PLXNB2: variants seen among roughly 807,000 people sequenced by gnomAD.
The protein encoded by PLXNB2 is plexin-B2.
Under a neutral mutation model 202.6 loss-of-function variants are expected in PLXNB2, and 85 were observed. That is an observed-to-expected ratio of 0.42 (90% CI 0.35 to 0.50). The LOEUF (loss-of-function observed/expected upper bound fraction) is 0.50. Ranked by LOEUF, PLXNB2 falls within the 20% of genes least tolerant of loss-of-function variation. The probability of loss-of-function intolerance (pLI) is 0.02; values close to 1 mark genes in which losing one functional copy is unlikely to be tolerated. For synonymous variants in PLXNB2, 1,239 were observed against 1,137.6 expected (o/e 1.09, Z -1.79); for missense variants, 2,063 against 2,586.2 (o/e 0.80, Z 4.39).
At position 50,284,026 on chromosome 22, in the gene PLXNB2, C is replaced by T. The variant is rs895525070; in HGVS notation, c.2264-36G>A. On this transcript the variant is annotated intron_variant, in intron 13 of 36. Coordinates refer to ENST00000359337, the MANE Select transcript of PLXNB2 (RefSeq NM_012401.4). The surrounding 1 kb of genome is among the most constrained non-coding windows in gnomAD (Gnocchi z 8.0). The stretch of plus-strand genomic sequence containing the variant: ...AGCTGCCGTCAGTGGTCACCCCGTG[C>T]CTGCCCGCCCCCGACCTGCTCCCCA... 29 of 1,524,334 alleles carry T rather than the reference C, an allele frequency of 1.9e-5. No individual in the cohort carries two copies. Among genetic ancestry groups the T allele is most frequent in the Non-Finnish European group, 1.4e-5 (16 of 1,139,334 alleles). The allele number at this position is 1,524,334 out of a possible 1,614,324, so 94.4% of individuals were successfully genotyped here. A position where few individuals can be genotyped will look rare whatever the true frequency, so the allele number is the denominator to read the frequency against.
At position 50,289,440 on chromosome 22, in the gene PLXNB2, C is replaced by A; in HGVS notation, c.1068+77G>T. Reference sequence around the variant, plus strand: ...GCCACACTGCTCACGTGCACCCTCCCCAGCAGGCTGGGACACGCAAACCCA... The same window carrying A: ...GCCACACTGCTCACGTGCACCCTCCACAGCAGGCTGGGACACGCAAACCCA... On this transcript the variant is annotated intron_variant, in intron 3 of 36. Coordinates refer to ENST00000359337, the MANE Select transcript of PLXNB2 (RefSeq NM_012401.4). The surrounding 1 kb of genome is among the most constrained non-coding windows in gnomAD (Gnocchi z 8.0). 1 of 1,477,918 alleles carries A rather than the reference C, an allele frequency of 6.8e-7. No individual in the cohort carries two copies. The highest frequency in any genetic ancestry group is 9.0e-7 in the Non-Finnish European group (1 of 1,109,796). The allele number at this position is 1,477,918 out of a possible 1,614,324, so 91.6% of individuals were successfully genotyped here. A position where few individuals can be genotyped will look rare whatever the true frequency, so the allele number is the denominator to read the frequency against.
At chr22:50,281,817 A>G in intron 20 of PLXNB2, 37 bp downstream of exon 20, 1 of 1,595,656 alleles carries the variant, frequency 6.3e-7, no homozygotes, top group African/African-American at 1.3e-5. Flanking sequence ...CCCAGACCCG[A>G]GCAGGACCCA....
In PLXNB2 at chr22:50,283,816, G is replaced by A. The variant is rs561661848; in HGVS notation, c.2421+17C>T. 2 of 1,610,920 alleles carry A rather than the reference G, an allele frequency of 1.2e-6. No individual in the cohort carries two copies. Among genetic ancestry groups the A allele is most frequent in the Admixed American group, 1.7e-5 (1 of 59,912 alleles). On this transcript the variant is annotated intron_variant, in intron 14 of 36. Transcript: ENST00000359337. ...CAGGGACGAGGGAAGGTGTAGGCCA[G>A]GCTTCGAGGGGCTCACCCTGGTGAT...
At chr22:50,299,469 G>T (rs2067524796) in intron 1 of PLXNB2, among the ~76,000 whole-genome samples, 1 of 152,226 alleles carries the variant, frequency 6.6e-6, no homozygotes, top group South Asian at 2.1e-4. Context: ...CAGCAGCCAG[G>T]GGGCCGGGCC....
Position 50,278,970 on chromosome 22 carries a change from G to A in PLXNB2, c.4431C>T (p.Ile1477=). 1 of 1,613,632 alleles carries A rather than the reference G, an allele frequency of 6.2e-7. No individual in the cohort carries two copies. Among genetic ancestry groups the A allele is most frequent in the Non-Finnish European group, 8.5e-7 (1 of 1,179,828 alleles). The change falls in exon 28 of 37, where the codon ATC becomes ATT. Residue 1477 remains isoleucine, a synonymous_variant. Transcript: ENST00000359337. ...TGTCACAGTTGAGGACCTTCACCGG[G>A]ATGGCGTCCACTCCCTCGTCCTGCA... ...VIVQDEGVDA[I]PVKVLNCDTI...
chr22:50,280,458 TG>T, intron 25 of PLXNB2, 30 bp downstream of exon 25: 3 of 1,571,342 alleles, frequency 1.9e-6, no homozygotes, highest in Non-Finnish European at 2.6e-6. Flanking sequence ...GCCCCGCCCG[TG>T]GCCCCGCTCG....
chr22:50,292,763 G>A (rs955914604), intron 2 of PLXNB2, among the ~76,000 whole-genome samples: 26 of 152,160 alleles, frequency 1.7e-4, no homozygotes, highest in African/African-American at 5.8e-4. Flanking sequence ...TTGCCCGCAC[G>A]CTTCCTGAAA....
rs1163586812 is a variant in PLXNB2 at position 50,295,966 on chromosome 22, G to A, written c.-73-1188C>T. Reference sequence around the variant, plus strand: ...AAAGTACAAAAATTAGCCGGGCGTAGTGGTGCGCGCCTGTAATCCCAACTA... The same window carrying A: ...AAAGTACAAAAATTAGCCGGGCGTAATGGTGCGCGCCTGTAATCCCAACTA... On this transcript the variant is annotated intron_variant, in intron 1 of 36. Transcript: ENST00000359337. 5.9e-5 allele frequency among the ~76,000 whole-genome samples: 9 copies of A among 152,110 alleles called. 1 individual carries two copies. Among genetic ancestry groups the A allele is most frequent in the Non-Finnish European group, 1.0e-4 (7 of 68,038 alleles).
At chr22:50,300,432 C>T in intron 1 of PLXNB2, 5 of 509,470 alleles carry the variant, frequency 9.8e-6, no homozygotes, top group Non-Finnish European at 1.3e-5. Flanking sequence ...AGCTGCCAAT[C>T]ATGCACGACC....
chr22:50,274,984 T>G lies in PLXNB2; in HGVS notation c.*720A>C. 3 of 144,484 alleles carry G rather than the reference T, an allele frequency of 2.1e-5. No individual in the cohort carries two copies. The highest frequency in any genetic ancestry group is 3.1e-5 in the African/African-American group (1 of 32,264). 9.0% of individuals were successfully genotyped at this position (144,484 alleles called of 1,614,324 possible). A position where few individuals can be genotyped will look rare whatever the true frequency, so the allele number is the denominator to read the frequency against. Reference sequence around the variant, plus strand: ...AGGAACACTCAGCCAACCCGCAGAGTGAAAAAGACGCTGTATTTGATTTAC... The same window carrying G: ...AGGAACACTCAGCCAACCCGCAGAGGGAAAAAGACGCTGTATTTGATTTAC... On this transcript the variant is annotated 3_prime_UTR_variant, in exon 37 of 37. Coordinates refer to ENST00000359337, the MANE Select transcript of PLXNB2 (RefSeq NM_012401.4).
chr22:50,299,940 C>A (rs1242043976), intron 1 of PLXNB2, among the ~76,000 whole-genome samples: 1 of 152,156 alleles, frequency 6.6e-6, no homozygotes, highest in East Asian at 1.9e-4. Flanking sequence ...CCGCCAGACT[C>A]CCCGGAGGGC....
At chr22:50,280,723 C>G in intron 24 of PLXNB2, 21 bp downstream of exon 24, 1 of 1,568,620 alleles carries the variant, frequency 6.4e-7, no homozygotes, top group Non-Finnish European at 8.6e-7. Flanking sequence ...TGCCCTCCCG[C>G]CCGCCCGACG....
chr22:50,280,491 G>A lies in PLXNB2; in HGVS notation c.4173C>T (p.Arg1391=). The A allele has an allele frequency of 6.2e-7, 1 of 1,605,760 alleles. No individual in the cohort carries two copies. The highest frequency in any genetic ancestry group is 8.5e-7 in the Non-Finnish European group (1 of 1,177,286). ...CTCGTGGCCCCGCCCATGTGCACCT[G>A]CGCAGCATCAGCTTGGGGTTCTTGG... is the stretch of plus-strand genomic sequence containing the variant. ...VVAKNPKLML[R]RSETVVERML... is the part of the protein sequence containing the mutation. The change falls in exon 25 of 37, where the codon CGC becomes CGT. Residue 1391 remains arginine (R), a splice_region_variant and synonymous_variant. Coordinates refer to ENST00000359337, the MANE Select transcript of PLXNB2 (RefSeq NM_012401.4).
intron 35 of PLXNB2, among the ~76,000 whole-genome samples, 154 bp from the exon 36 acceptor site, chr22:50,276,117 C>G (rs960358406): frequency 6.6e-6 from 1 of 152,178 alleles, no homozygotes; most frequent in Non-Finnish European, 1.5e-5. Context: ...GTGGCACAGC[C>G]TCAGACAGAC....
At chr22:50,307,280 G>C (rs1409986351) in intron 1 of PLXNB2, among the ~76,000 whole-genome samples, 4 of 152,086 alleles carry the variant, frequency 2.6e-5, no homozygotes, top group Non-Finnish European at 5.9e-5. Flanking sequence ...GCGCGGAGGA[G>C]GGATCCGACG....
At position 50,281,843 on chromosome 22, in the gene PLXNB2, A is replaced by G. The variant is rs1242384964; in HGVS notation, c.3345+11T>C. 4 of 1,609,054 alleles carry G rather than the reference A, an allele frequency of 2.5e-6. No individual in the cohort carries two copies. The highest frequency in any genetic ancestry group is 3.4e-6 in the Non-Finnish European group (4 of 1,177,860). Reference sequence around the variant, plus strand: ...GCAGGACCCAGACACCCGGGGCTGCACCGTCCTCACCCGGGCGTGGATGAG... The same window carrying G: ...GCAGGACCCAGACACCCGGGGCTGCGCCGTCCTCACCCGGGCGTGGATGAG... On this transcript the variant is annotated intron_variant, in intron 20 of 36. Coordinates refer to ENST00000359337, the MANE Select transcript of PLXNB2 (RefSeq NM_012401.4).
intron 1 of PLXNB2, among the ~76,000 whole-genome samples, chr22:50,302,070 C>T (rs543663248): frequency 6.6e-6 from 1 of 152,300 alleles, no homozygotes; most frequent in Admixed American, 6.5e-5. Context: ...CAGAACCCAG[C>T]GCTGCCTGGA....
At position 50,287,202 on chromosome 22, in the gene PLXNB2, AAAAAGG is replaced by A; in HGVS notation, c.1665_1670del (p.Leu556_Phe557del). 6.5e-7 allele frequency: 1 copy of A among 1,549,066 alleles called. No homozygotes were observed. Among genetic ancestry groups the A allele is most frequent in the Non-Finnish European group, 8.7e-7 (1 of 1,146,282 alleles). On this transcript the variant is annotated inframe_deletion, in exon 8 of 37. Coordinates refer to ENST00000359337, the MANE Select transcript of PLXNB2 (RefSeq NM_012401.4). The stretch of plus-strand genomic sequence containing the variant: ...GGGCGGGGTGTGGCGGCGACTCCCC[AAAAAGG>A]CACAGCAACTCGTCCTCCTCGCTCA...
At position 50,278,085 on chromosome 22, in the gene PLXNB2, CTGGTGCCGCCCACACACCCA is replaced by C. The variant is rs1473397076; in HGVS notation, c.4887+12_4887+31del. The C allele has an allele frequency of 6.2e-7, 1 of 1,602,164 alleles. No individual in the cohort carries two copies. The highest frequency in any genetic ancestry group is 1.7e-5 in the Admixed American group (1 of 59,762). The stretch of plus-strand genomic sequence containing the variant: ...GGGGGGAGGGTCTCAGCGTGGCGGC[CTGGTGCCGCCCACACACCCA>C]TGGGGGCCCACCTTGACTGAGAGCA... On this transcript the variant is annotated intron_variant, in intron 31 of 36. Transcript: ENST00000359337.
Sources: gnomAD v4.1 joint callset for allele counts (sites outside exome capture counted in the v4.1 genomes callset) on GRCh38, gnomAD v4.1.1 for gene constraint, Gnocchi (gnomAD v3.1) non-coding constraint, MANE v1.5 for transcripts, NCBI Gene and HGNC (gene_info 2026-07-23, HGNC 2026-07-21) for gene names.